Variants in NSMCE2 observed in about 807,000 individuals in gnomAD.
The protein encoded by NSMCE2 is NSE2 SUMO ligase component of SMC5/6 complex.
NSMCE2 carries 24 observed loss-of-function variants against 23.8 expected under a neutral mutation model. That is an observed-to-expected ratio of 1.01 (90% CI 0.73 to 1.42). The LOEUF is 1.42. Among genes scored for constraint, NSMCE2 ranks in the 40% most tolerant of loss-of-function variants. NSMCE2 has a pLI of 0.00. For missense variants in NSMCE2, 284 were observed against 296.5 expected, an observed-to-expected ratio of 0.96 and a Z score of 0.31; for synonymous variants, 92 against 94.1, an observed-to-expected ratio of 0.98 and a Z score of 0.13.
chr8:125,157,824 G>A (rs180838195), intron 4 of NSMCE2, among the ~76,000 whole-genome samples: 2 of 152,238 alleles, frequency 1.3e-5, no homozygotes, highest in African/African-American at 2.4e-5. Flanking sequence ...GGGCCTTAAT[G>A]TGCCTCTAGT....
At chr8:125,294,592 T>C (rs1828249280) in intron 5 of NSMCE2, among the ~76,000 whole-genome samples, 1 of 152,258 alleles carries the variant, frequency 6.6e-6, no homozygotes. Flanking sequence ...AAACTTGCGA[T>C]CGTATACTTT....
rs77120204 is a variant in NSMCE2, at chr8:125,199,028, G to A, written c.418+16772G>A. 2.8e-4 allele frequency among the ~76,000 whole-genome samples: 43 copies of A among 152,178 alleles called. No homozygotes were observed. In the East Asian group the frequency reaches 7.7e-3, roughly 27 times the overall value. ...AGTTTGTATTTCTGTGGGATTGGTG[G>A]TGATATCCCCTTTATCATTTTTTTA... On this transcript the variant is annotated intron_variant, in intron 5 of 7. Coordinates refer to ENST00000287437, the MANE Select transcript of NSMCE2 (RefSeq NM_173685.4).
intron 5 of NSMCE2, among the ~76,000 whole-genome samples, chr8:125,325,463 C>T (rs1829629472): frequency 6.6e-6 from 1 of 152,198 alleles, no homozygotes; most frequent in Non-Finnish European, 1.5e-5. Flanking sequence ...CATCCTCTCA[C>T]TTCAGCCTCC....
chr8:125,260,403 C>T (rs368996805), intron 5 of NSMCE2, among the ~76,000 whole-genome samples: 4 of 152,024 alleles, frequency 2.6e-5, no homozygotes, highest in Admixed American at 6.6e-5. Context: ...CAGTGTAGGG[C>T]GGTTCATTTT....
intron 5 of NSMCE2, among the ~76,000 whole-genome samples, chr8:125,214,456 G>A (rs1164711774): frequency 2.0e-5 from 3 of 152,184 alleles, no homozygotes; most frequent in African/African-American, 2.4e-5. Flanking sequence ...GGGGCTCACG[G>A]TCTCAACAAG....
intron 3 of NSMCE2, among the ~76,000 whole-genome samples, chr8:125,119,520 T>A (rs190446783): frequency 1.2e-3 from 182 of 152,314 alleles, no homozygotes; most frequent in Non-Finnish European, 2.0e-3. Flanking sequence ...GGTTTGAAAA[T>A]GACCATCACA....
intron 5 of NSMCE2, among the ~76,000 whole-genome samples, chr8:125,312,726 C>A (rs1829018142): frequency 6.6e-6 from 1 of 152,156 alleles, no homozygotes; most frequent in Non-Finnish European, 1.5e-5. Flanking sequence ...CTCAACAGGG[C>A]AAAAGGCAAG....
intron 3 of NSMCE2, among the ~76,000 whole-genome samples, chr8:125,105,803 TA>T (rs1214692540): frequency 6.6e-6 from 1 of 152,200 alleles, no homozygotes; most frequent in African/African-American, 2.4e-5. Context: ...ACCCCTGCTT[TA>T]GTGCCGCAGA....
chr8:125,357,171 C>A (rs1813316193), intron 5 of NSMCE2, 48 bp from the exon 6 acceptor site: 7 of 1,250,046 alleles, frequency 5.6e-6, no homozygotes, highest in Non-Finnish European at 8.2e-6. Flanking sequence ...CCTTCCTTTT[C>A]TTTGACGTTA....
chr8:125,154,858 C>T (rs1290521197), intron 4 of NSMCE2, among the ~76,000 whole-genome samples: 1 of 152,170 alleles, frequency 6.6e-6, no homozygotes, highest in Non-Finnish European at 1.5e-5. Context: ...GAACACTAGA[C>T]TTCTGATGAC....
At chr8:125,228,091 A>G (rs66561774) in intron 5 of NSMCE2, among the ~76,000 whole-genome samples, 10,076 of 152,218 alleles carry the variant, frequency 0.066, 430 homozygotes, top group South Asian at 0.15. Flanking sequence ...ATCTTATACT[A>G]TGTATTGAGT....
At chr8:125,301,129 C>T (rs543037164) in intron 5 of NSMCE2, among the ~76,000 whole-genome samples, 1 of 152,152 alleles carries the variant, frequency 6.6e-6, no homozygotes, top group Non-Finnish European at 1.5e-5. Flanking sequence ...ATCTATGTGA[C>T]CCATTTAGCC....
chr8:125,262,467 T>G (rs988222590), intron 5 of NSMCE2, among the ~76,000 whole-genome samples: 6 of 152,174 alleles, frequency 3.9e-5, no homozygotes, highest in African/African-American at 1.4e-4. Flanking sequence ...TGAAAGTATA[T>G]GAGTCAAACT....
intron 5 of NSMCE2, among the ~76,000 whole-genome samples, chr8:125,210,774 C>T (rs529683136): frequency 1.3e-5 from 2 of 152,150 alleles, no homozygotes; most frequent in South Asian, 2.1e-4. Context: ...AGTGCAGTGG[C>T]GTGATCTCGG....
chr8:125,271,115 G>T (rs1027594110), intron 5 of NSMCE2, among the ~76,000 whole-genome samples: 19 of 152,046 alleles, frequency 1.2e-4, no homozygotes, highest in Non-Finnish European at 2.5e-4. Context: ...ACAAAATTTT[G>T]CCAGGCATGG....
At chr8:125,169,908 A>T (rs1344089236) in intron 4 of NSMCE2, among the ~76,000 whole-genome samples, 1 of 150,744 alleles carries the variant, frequency 6.6e-6, no homozygotes, top group Non-Finnish European at 1.5e-5. Context: ...GCCTTAGCAC[A>T]CACTATCTAC....
At chr8:125,286,369 A>G (rs1054666769) in intron 5 of NSMCE2, among the ~76,000 whole-genome samples, 29 of 150,762 alleles carry the variant, frequency 1.9e-4, no homozygotes, top group Admixed American at 4.6e-4. Flanking sequence ...CTGGAGTGCA[A>G]TGGTGCAGTC....
intron 3 of NSMCE2, among the ~76,000 whole-genome samples, chr8:125,109,793 A>G: frequency 6.6e-6 from 1 of 152,150 alleles, no homozygotes; most frequent in East Asian, 1.9e-4. Context: ...ACGTTAGAAT[A>G]TATGGTGTCT....
At chr8:125,238,533 A>C (rs1020835182) in intron 5 of NSMCE2, among the ~76,000 whole-genome samples, 2 of 152,210 alleles carry the variant, frequency 1.3e-5, no homozygotes, top group Non-Finnish European at 2.9e-5. Context: ...TAGTGTATCA[A>C]ATAAGTGCAC....
Sources: gnomAD v4.1 joint callset for allele counts (sites outside exome capture counted in the v4.1 genomes callset) on GRCh38, gnomAD v4.1.1 for gene constraint, MANE v1.5 for transcripts, NCBI Gene and HGNC (gene_info 2026-07-23, HGNC 2026-07-21) for gene names.